ABCA8: variants seen among roughly 807,000 people sequenced by gnomAD.
ABCA8 encodes the protein ABC-type organic anion transporter ABCA8.
ABCA8 carries 177 observed loss-of-function variants against 192.3 expected under a neutral mutation model. The observed-to-expected ratio is 0.92, with a 90% CI of 0.81 to 1.04. The LOEUF (loss-of-function observed/expected upper bound fraction) is 1.04, where lower values mean the gene tolerates loss of function less well. Among genes scored for constraint, ABCA8 ranks in the 50% least tolerant of loss-of-function variants. The pLI is 0.00. For synonymous variants in ABCA8, 642 were observed against 690.2 expected, an observed-to-expected ratio of 0.93 and a Z score of 1.09; for missense variants, 1,915 against 1,904.8, an observed-to-expected ratio of 1.01 and a Z score of -0.10.
intron 17 of ABCA8, among the ~76,000 whole-genome samples, chr17:68,914,000 A>G (rs1165348700): frequency 6.6e-6 from 1 of 152,078 alleles, no homozygotes; most frequent in Admixed American, 6.5e-5. Context: ...GGATGGTTCA[A>G]TGCATGGAAA....
At chr17:68,954,661 A>G (rs530696760) in intron 1 of ABCA8, among the ~76,000 whole-genome samples, 1 of 152,336 alleles carries the variant, frequency 6.6e-6, no homozygotes, top group South Asian at 2.1e-4. Flanking sequence ...TCACATTCTG[A>G]TTCAACTCAC....
rs764241816 is a variant in ABCA8, at chr17:68,924,874, A to G, written c.1274-5T>C. 11 of 1,613,368 alleles carry G rather than the reference A, an allele frequency of 6.8e-6. No individual in the cohort carries two copies. The highest frequency in any genetic ancestry group is 9.3e-6 in the Non-Finnish European group (11 of 1,179,698). ...GACGTCGATGTCCATATTCATCTACATGGCCAGAAGACAATTAAATATTGG... is the reference window on the plus strand; with the variant it reads ...GACGTCGATGTCCATATTCATCTACGTGGCCAGAAGACAATTAAATATTGG... On this transcript the variant is annotated splice_polypyrimidine_tract_variant and splice_region_variant and intron_variant, in intron 10 of 39. Coordinates refer to ENST00000586539, the MANE Select transcript of ABCA8 (RefSeq NM_001288985.2).
chr17:68,872,581 AAAAAAATAAAAAAT>A (rs942069135), intron 37 of ABCA8, among the ~76,000 whole-genome samples: 2 of 151,672 alleles, frequency 1.3e-5, no homozygotes, highest in Non-Finnish European at 2.9e-5. Flanking sequence ...GTATAATTAA[AAAAAAATAAAAAAT>A]AAAAAATAAA....
In ABCA8 at chr17:68,886,897, G is replaced by T. The variant is rs147810923; in HGVS notation, c.3429+120C>A. 2.7e-3 allele frequency: 1,312 copies of T among 479,798 alleles called. 5 individuals carry two copies. Among genetic ancestry groups the T allele is most frequent in the Non-Finnish European group, 3.8e-3 (1,100 of 288,070 alleles). 29.7% of individuals were successfully genotyped at this position (479,798 alleles called of 1,614,324 possible). On this transcript the variant is annotated intron_variant, in intron 26 of 39. Coordinates refer to ENST00000586539, the MANE Select transcript of ABCA8 (RefSeq NM_001288985.2). Reference sequence around the variant, plus strand: ...TTTGACCATGTCAGTAACTGAATTTGTAATCTTGTGTTTATTATAGACCAT... The same window carrying T: ...TTTGACCATGTCAGTAACTGAATTTTTAATCTTGTGTTTATTATAGACCAT...
intron 37 of ABCA8, 150 bp downstream of exon 37, chr17:68,875,110 G>T: frequency 1.8e-6 from 2 of 1,103,688 alleles, no homozygotes; most frequent in Non-Finnish European, 2.5e-6. Flanking sequence ...CAGCTCTTAC[G>T]TCTGCTTTCT....
Position 68,940,969 on chromosome 17 carries a change from A to C in ABCA8, c.97-7T>G. 6.4e-7 allele frequency: 1 copy of C among 1,569,118 alleles called. No homozygotes were observed. The highest frequency in any genetic ancestry group is 8.7e-7 in the Non-Finnish European group (1 of 1,144,168). ...GCAATGAATTCAGCCATTCCTATAT[A>C]ATACAGGAAAAAAGATAAAGAAAAG... On this transcript the variant is annotated splice_region_variant and splice_polypyrimidine_tract_variant and intron_variant, in intron 3 of 39. Transcript: ENST00000586539.
chr17:68,908,815 A>G (rs541483037), intron 17 of ABCA8, among the ~76,000 whole-genome samples: 7 of 152,332 alleles, frequency 4.6e-5, no homozygotes, highest in African/African-American at 1.7e-4. Context: ...CGTGTTATTT[A>G]ACTTATCTAA....
chr17:68,927,712 A>G (rs1192553737), intron 10 of ABCA8, among the ~76,000 whole-genome samples: 1 of 152,188 alleles, frequency 6.6e-6, no homozygotes, highest in East Asian at 1.9e-4. Flanking sequence ...TTCTATAAAC[A>G]AAATTCAGGC....
chr17:68,901,789 A>G (rs1442418166), intron 21 of ABCA8, among the ~76,000 whole-genome samples: 2 of 148,602 alleles, frequency 1.3e-5, no homozygotes, highest in Admixed American at 6.8e-5. Context: ...GCCTGGTGAC[A>G]CAGAGCGAGA....
intron 30 of ABCA8, 110 bp downstream of exon 30, chr17:68,882,489 T>A: frequency 1.0e-6 from 1 of 961,790 alleles, no homozygotes. Flanking sequence ...AAAATGGCAA[T>A]TACCTACTAA....
In ABCA8 at chr17:68,875,323, G is replaced by C; in HGVS notation, c.4568C>G (p.Ala1523Gly). ...YLLEMKVKNLAQVEPLHAEIL... is the reference protein window; with the variant it reads ...YLLEMKVKNLGQVEPLHAEIL... ...CTCTGCATGGAGGGGCTCCACTTGT[G>C]CCAGGTTCTTCACCTTCATCTCCAG... The change falls in exon 37 of 40, where the codon GCA (alanine) becomes GGA (glycine). Residue 1523 changes from alanine (A) to glycine (G), a missense_variant. Physicochemically the swap from Ala to Gly is moderately conservative, Grantham distance 60. Transcript: ENST00000586539. 6.2e-7 allele frequency: 1 copy of C among 1,614,066 alleles called. No homozygotes were observed. The highest frequency in any genetic ancestry group is 8.5e-7 in the Non-Finnish European group (1 of 1,180,010).
In ABCA8 at chr17:68,903,426, G is replaced by T. The variant is rs1335322003; in HGVS notation, c.2472C>A (p.Val824=). The T allele has an allele frequency of 6.2e-7, 1 of 1,614,120 alleles. No individual in the cohort carries two copies. Among genetic ancestry groups the T allele is most frequent in the South Asian group, 1.1e-5 (1 of 91,082 alleles). The change falls in exon 20 of 40, where the codon GTC becomes GTA. Residue 824 remains valine, a synonymous_variant. Transcript: ENST00000586539. ...TTCTCATCTTGTTAAGTGAAGAGAG[G>T]ACTTGTTCCATCTCAACAAGCCTTT... The part of the protein sequence containing the change: ...DTERLVEMEQ[V]LSSLNKMRKT...
chr17:68,929,326 T>C (rs960823144), intron 8 of ABCA8, 92 bp from the exon 9 acceptor site: 3 of 1,145,202 alleles, frequency 2.6e-6, no homozygotes, highest in African/African-American at 3.1e-5. Context: ...TTATTTTGTG[T>C]ATGTAACAGT....
intron 17 of ABCA8, among the ~76,000 whole-genome samples, chr17:68,914,672 G>T (rs1382119069): frequency 6.6e-6 from 1 of 152,082 alleles, no homozygotes; most frequent in Non-Finnish European, 1.5e-5. Context: ...GATATTCTAT[G>T]CTCATGGGTT....
At chr17:68,902,960 G>T in intron 20 of ABCA8, 81 bp from the exon 21 acceptor site, 1 of 1,211,040 alleles carries the variant, frequency 8.3e-7, no homozygotes, top group Non-Finnish European at 1.2e-6. Context: ...AATGTAATGG[G>T]ATAAAGAAAT....
rs536699975 is a variant in ABCA8, at chr17:68,888,950, G to A, written c.3145-1444C>T. Among the ~76,000 whole-genome samples the A allele has an allele frequency of 3.3e-5, 5 of 152,288 alleles. No individual in the cohort carries two copies. In the East Asian group the frequency reaches 7.7e-4, roughly 23 times the overall value. On this transcript the variant is annotated intron_variant, in intron 24 of 39. Transcript: ENST00000586539. ...CATAGAGGAATGAGAATCTCCAAAG[G>A]AGACAAACAATGGACAGTCTTAGGA...
rs534748173 is a variant in ABCA8 at position 68,945,714 on chromosome 17, A to G, written c.-6+3598T>C. Among the ~76,000 whole-genome samples, 5 of 152,254 alleles carry G rather than the reference A, an allele frequency of 3.3e-5. No individual in the cohort carries two copies. In the East Asian group the frequency reaches 9.7e-4, roughly 29 times the overall value. ...TTCTCAAGCATATTGTTCCAACATGAACTACTTTCTGGTTCCTTCTTTCCG... is the reference window on the plus strand; with the variant it reads ...TTCTCAAGCATATTGTTCCAACATGGACTACTTTCTGGTTCCTTCTTTCCG... On this transcript the variant is annotated intron_variant, in intron 2 of 39. Coordinates refer to ENST00000586539, the MANE Select transcript of ABCA8 (RefSeq NM_001288985.2).
At chr17:68,900,956 TTG>T (rs1349089042) in intron 21 of ABCA8, among the ~76,000 whole-genome samples, 1 of 150,494 alleles carries the variant, frequency 6.6e-6, no homozygotes, top group Non-Finnish European at 1.5e-5. Flanking sequence ...GCAGTATTCT[TTG>T]TGTCATTTTA....
In ABCA8 at chr17:68,936,959, T is replaced by TC. The variant is rs746104917; in HGVS notation, c.457dup (p.Asp153GlyfsTer8). ...TAGAGCCATAAAATTACCTGTATGG[T>TC]CCTTGTGCTCCTTCTTTGCTGGCAT... is the stretch of plus-strand genomic sequence containing the variant. On this transcript the variant is annotated frameshift_variant, in exon 5 of 40. Transcript: ENST00000586539. LOFTEE classifies it high-confidence loss of function. 6 of 1,598,902 alleles carry TC rather than the reference T, an allele frequency of 3.8e-6. No homozygotes were observed. In the Admixed American group the frequency reaches 1.1e-4, roughly 29 times the overall value.
Sources: allele counts gnomAD v4.1 joint callset (sites outside exome capture counted in the v4.1 genomes callset), GRCh38; gene constraint gnomAD v4.1.1; transcripts MANE v1.5; gene names NCBI Gene and HGNC (gene_info 2026-07-23, HGNC 2026-07-21).